Variants in CYP27A1 observed in about 807,000 individuals in gnomAD.
CYP27A1 encodes sterol 26-hydroxylase, mitochondrial.
In CYP27A1, 46 loss-of-function variants were observed where a neutral mutation model predicts 58.2. The observed-to-expected ratio is 0.79, with a 90% confidence interval of 0.62 to 1.01. The LOEUF (loss-of-function observed/expected upper bound fraction) is 1.01. CYP27A1 is among the 50% of genes least tolerant of loss of function. The probability of loss-of-function intolerance (pLI) is 0.00; values close to 1 mark genes in which losing one functional copy is unlikely to be tolerated. For missense variants in CYP27A1, 704 were observed against 687.0 expected (o/e 1.02, Z -0.28); for synonymous variants, 274 against 285.1 (o/e 0.96, Z 0.39).
rs927257818 is a variant in CYP27A1, at chr2:218,803,723, T to A, written c.256-5854T>A. Among the ~76,000 whole-genome samples, 88 of 20,808 alleles carry A rather than the reference T, an allele frequency of 4.2e-3. 1 individual carries two copies. Among genetic ancestry groups the A allele is most frequent in the East Asian group, 0.029 (71 of 2,410 alleles). The allele number at this position is 20,808 out of a possible 152,430, so 13.7% of individuals were successfully genotyped here. On this transcript the variant is annotated intron_variant, in intron 1 of 8. Coordinates refer to ENST00000258415, the MANE Select transcript of CYP27A1 (RefSeq NM_000784.4). ...AGGTGTGAGCCACCGTGCCCCCGTC[T>A]TTTTTTTTTTTTTTTTTTTTTTTTT... is the stretch of plus-strand genomic sequence containing the variant.
intron 1 of CYP27A1, among the ~76,000 whole-genome samples, chr2:218,791,480 CAAAG>C (rs908446268): frequency 2.0e-5 from 3 of 152,054 alleles, no homozygotes; most frequent in Non-Finnish European, 4.4e-5. Context: ...GGGGCATAAA[CAAAG>C]AAAAAATTGA....
rs1575206360 is a variant in CYP27A1, at chr2:218,813,087, A to G, written c.1008A>G (p.Gly336=). Residue 336 remains glycine (G), a synonymous_variant, in exon 5 of 9, where the codon GGA becomes GGG. Transcript: ENST00000258415. ...MGSLPELLMA[G]VDTTSNTLTW... The stretch of plus-strand genomic sequence containing the variant: ...GCCTGCCTGAGCTGCTCATGGCTGG[A>G]GTGGACACGGTGCGTGAAGGGGGAG... 6.2e-7 allele frequency: 1 copy of G among 1,611,006 alleles called. No homozygotes were observed. Among genetic ancestry groups the G allele is most frequent in the South Asian group, 1.1e-5 (1 of 90,974 alleles).
intron 1 of CYP27A1, among the ~76,000 whole-genome samples, chr2:218,793,029 C>G (rs1371809737): frequency 6.6e-6 from 1 of 152,188 alleles, no homozygotes; most frequent in African/African-American, 2.4e-5. Flanking sequence ...CACCATAAAA[C>G]AATAGTCATT....
chr2:218,791,902 C>T (rs1276383659), intron 1 of CYP27A1, among the ~76,000 whole-genome samples: 6 of 152,102 alleles, frequency 3.9e-5, no homozygotes, highest in Admixed American at 6.5e-5. Context: ...TACAACCAGA[C>T]GACCTGCATT....
chr2:218,807,616 C>T (rs1943664837), intron 1 of CYP27A1, among the ~76,000 whole-genome samples: 1 of 152,020 alleles, frequency 6.6e-6, no homozygotes, highest in Non-Finnish European at 1.5e-5. Flanking sequence ...ATAGTAATCA[C>T]TTTATATTTA....
chr2:218,807,040 T>C (rs1428274925), intron 1 of CYP27A1, among the ~76,000 whole-genome samples: 1 of 133,150 alleles, frequency 7.5e-6, no homozygotes, highest in African/African-American at 2.9e-5. Flanking sequence ...CACTGTAACC[T>C]CCTCCTCCTC....
At chr2:218,798,663 A>T (rs1229647347) in intron 1 of CYP27A1, among the ~76,000 whole-genome samples, 1 of 152,140 alleles carries the variant, frequency 6.6e-6, no homozygotes, top group Non-Finnish European at 1.5e-5. Context: ...CGGATGGATC[A>T]CTTGAGTCTA....
chr2:218,794,187 T>G (rs1379579278), intron 1 of CYP27A1, among the ~76,000 whole-genome samples: 1 of 152,200 alleles, frequency 6.6e-6, no homozygotes, highest in East Asian at 1.9e-4. Context: ...TCCACCCCAG[T>G]GCGCGGACCA....
intron 3 of CYP27A1, 52 bp downstream of exon 3, chr2:218,812,473 G>A: frequency 6.2e-7 from 1 of 1,609,300 alleles, no homozygotes; most frequent in Non-Finnish European, 8.5e-7. Flanking sequence ...GGGAGAGGTT[G>A]TGCTCCCTCT....
chr2:218,814,426 A>G lies in CYP27A1; in HGVS notation c.1231A>G (p.Ile411Val). 1 of 1,614,236 alleles carries G rather than the reference A, an allele frequency of 6.2e-7. No individual in the cohort carries two copies. Among genetic ancestry groups the G allele is most frequent in the Non-Finnish European group, 8.5e-7 (1 of 1,180,034 alleles). ...AAACTCCCGGATCATAGAAAAGGAAATTGAAGTTGATGGCTTCCTCTTCCC... is the reference window on the plus strand; with the variant it reads ...AAACTCCCGGATCATAGAAAAGGAAGTTGAAGTTGATGGCTTCCTCTTCCC... ...PTNSRIIEKE[I>V]EVDGFLFPKN... The change falls in exon 7 of 9, where the codon ATT becomes GTT. Residue 411 changes from isoleucine to valine, a missense_variant. By Grantham distance (29) the Ile-to-Val change is conservative. Coordinates refer to ENST00000258415, the MANE Select transcript of CYP27A1 (RefSeq NM_000784.4).
rs1343936087 is a variant in CYP27A1 at position 218,812,679 on chromosome 2, CA to C, written c.776del (p.Lys259SerfsTer27). On this transcript the variant is annotated frameshift_variant, in exon 4 of 9. Transcript: ENST00000258415. LOFTEE classifies it high-confidence loss of function. The stretch of plus-strand genomic sequence containing the variant: ...ACTCACTCTATGCCACCTTCCTCCC[CA>C]AGTGGACTCGCCCCGTGCTGCCTTT... ...QNSLYATFLPKWTRPVLPFWK... is the reference protein window; with the variant it reads ...QNSLYATFLPXWTRPVLPFWK... 1 of 1,614,104 alleles carries C rather than the reference CA, an allele frequency of 6.2e-7. No homozygotes were observed. Among genetic ancestry groups the C allele is most frequent in the South Asian group, 1.1e-5 (1 of 91,092 alleles).
chr2:218,799,468 C>T (rs978101437), intron 1 of CYP27A1, among the ~76,000 whole-genome samples: 2 of 152,088 alleles, frequency 1.3e-5, no homozygotes, highest in Non-Finnish European at 2.9e-5. Context: ...CCTCGGGATG[C>T]GGCCATACCA....
chr2:218,811,316 C>A (rs1243982794), intron 2 of CYP27A1, among the ~76,000 whole-genome samples: 1 of 152,148 alleles, frequency 6.6e-6, no homozygotes, highest in East Asian at 1.9e-4. Context: ...CAGGAGCATG[C>A]AAATATACAT....
intron 1 of CYP27A1, among the ~76,000 whole-genome samples, chr2:218,808,856 C>G (rs1301356269): frequency 6.6e-6 from 1 of 152,136 alleles, no homozygotes; most frequent in East Asian, 1.9e-4. Context: ...CCGTGGATAT[C>G]TATCGTCAAG....
intron 1 of CYP27A1, among the ~76,000 whole-genome samples, chr2:218,786,327 G>A (rs1943440509): frequency 6.6e-6 from 1 of 152,156 alleles, no homozygotes; most frequent in Non-Finnish European, 1.5e-5. Context: ...CCCAAACCAG[G>A]TGTCTGCCAC....
chr2:218,784,522 G>A (rs1030756591), intron 1 of CYP27A1, among the ~76,000 whole-genome samples: 1 of 152,144 alleles, frequency 6.6e-6, no homozygotes, highest in Non-Finnish European at 1.5e-5. Context: ...CATGCCTATC[G>A]CATTGCTTTA....
chr2:218,796,499 C>G (rs1007300246), intron 1 of CYP27A1, among the ~76,000 whole-genome samples: 1 of 152,102 alleles, frequency 6.6e-6, no homozygotes, highest in Admixed American at 6.5e-5. Context: ...GAAGCTGAGG[C>G]AGGAGAATCA....
chr2:218,783,281 AAAAG>A (rs1279941143), intron 1 of CYP27A1, among the ~76,000 whole-genome samples: 2 of 151,632 alleles, frequency 1.3e-5, no homozygotes, highest in African/African-American at 4.8e-5. Flanking sequence ...AAAAAAGAAA[AAAAG>A]AAAAAAGAAA....
At chr2:218,786,915 C>G (rs1365109171) in intron 1 of CYP27A1, among the ~76,000 whole-genome samples, 1 of 152,058 alleles carries the variant, frequency 6.6e-6, no homozygotes, top group Non-Finnish European at 1.5e-5. Flanking sequence ...TCACATCAGC[C>G]TCCCAAGTAG....
Sources: gnomAD v4.1 joint callset for allele counts (sites outside exome capture counted in the v4.1 genomes callset) on GRCh38, gnomAD v4.1.1 for gene constraint, MANE v1.5 for transcripts, NCBI Gene and HGNC (gene_info 2026-07-23, HGNC 2026-07-21) for gene names.